Variants in GIGYF2 observed in about 807,000 individuals in gnomAD.
GIGYF2 encodes GRB10-interacting GYF protein 2.
Under a neutral mutation model 208.1 loss-of-function variants are expected in GIGYF2, and 25 were observed. The observed-to-expected ratio is 0.12, with a 90% CI of 0.09 to 0.17. GIGYF2 has a LOEUF of 0.17. Ranked by LOEUF, GIGYF2 falls within the 10% of genes least tolerant of loss-of-function variation. The pLI is 1.00. For missense variants in GIGYF2, 1,302 were observed against 1,579.4 expected, an observed-to-expected ratio of 0.82 and a Z score of 2.98; for synonymous variants, 534 against 543.8, an observed-to-expected ratio of 0.98 and a Z score of 0.25.
chr2:232,760,103 A>G (rs901591916), intron 6 of GIGYF2: 2 of 173,872 alleles, frequency 1.2e-5, no homozygotes, highest in African/African-American at 4.8e-5. Context: ...AACTCTCTAA[A>G]CCAAGATTTC....
At chr2:232,841,321 AG>A (rs992548566) in intron 23 of GIGYF2, among the ~76,000 whole-genome samples, 27 of 152,062 alleles carry the variant, frequency 1.8e-4, no homozygotes, top group African/African-American at 6.0e-4. Context: ...TTAGAGACTG[AG>A]GCTCGCTCTG....
intron 2 of GIGYF2, among the ~76,000 whole-genome samples, chr2:232,712,525 A>C (rs1309219152): frequency 6.6e-6 from 1 of 152,212 alleles, no homozygotes; most frequent in Non-Finnish European, 1.5e-5. Flanking sequence ...AGTTTGTTGC[A>C]ATTAACTTCA....
intron 8 of GIGYF2, among the ~76,000 whole-genome samples, chr2:232,774,008 A>G (rs918626577): frequency 6.6e-6 from 1 of 151,646 alleles, no homozygotes; most frequent in Non-Finnish European, 1.5e-5. Flanking sequence ...GGAACCAGGC[A>G]TGGTGACTCA....
chr2:232,753,814 A>G (rs116215001), intron 5 of GIGYF2, among the ~76,000 whole-genome samples: 2 of 152,250 alleles, frequency 1.3e-5, no homozygotes, highest in South Asian at 2.1e-4. Flanking sequence ...CCATGTCTCT[A>G]TATATTAGGT....
In GIGYF2 at chr2:232,833,184, T is replaced by C. The variant is rs1295883435; in HGVS notation, c.2766+91T>C. ...TGTACCAGTAGCAGTAAAACTGTTC[T>C]TTCTTTCTTTTTTTAATATTAAAAT... On this transcript the variant is annotated intron_variant, in intron 22 of 28. Transcript: ENST00000373563. 3 of 653,168 alleles carry C rather than the reference T, an allele frequency of 4.6e-6. No individual in the cohort carries two copies. The African/African-American group carries it at 5.6e-5, about 12-fold the overall frequency. 40.5% of individuals were successfully genotyped at this position (653,168 alleles called of 1,614,324 possible). A position where few individuals can be genotyped will look rare whatever the true frequency, so the allele number is the denominator to read the frequency against.
chr2:232,806,182 T>C lies in GIGYF2; in HGVS notation c.1640-309T>C, dbSNP rs935693320. Among the ~76,000 whole-genome samples the C allele has an allele frequency of 3.9e-5, 6 of 152,204 alleles. No individual in the cohort carries two copies. The highest frequency in any genetic ancestry group is 8.8e-5 in the Non-Finnish European group (6 of 68,032). On this transcript the variant is annotated intron_variant, in intron 14 of 28. Coordinates refer to ENST00000373563, the MANE Select transcript of GIGYF2 (RefSeq NM_001103146.3). This position sits in a 1 kb window ranked among gnomAD's most constrained non-coding sequence, Gnocchi z 4.0. Reference sequence around the variant, plus strand: ...CCTAAATGATACAAAGTCTAGTAAATAGTTAACTCTTCAATTGTATCATAC... The same window carrying C: ...CCTAAATGATACAAAGTCTAGTAAACAGTTAACTCTTCAATTGTATCATAC...
intron 8 of GIGYF2, among the ~76,000 whole-genome samples, chr2:232,779,553 A>T (rs1699641702): frequency 6.6e-6 from 1 of 152,186 alleles, no homozygotes; most frequent in Non-Finnish European, 1.5e-5. Flanking sequence ...TCTTTTGAAG[A>T]TGCCTAGTCT....
intron 26 of GIGYF2, among the ~76,000 whole-genome samples, chr2:232,846,123 TTAA>T (rs761461108): frequency 6.6e-6 from 1 of 152,214 alleles, no homozygotes; most frequent in Non-Finnish European, 1.5e-5. Context: ...TTAGACTGCC[TTAA>T]TGATACACAG....
chr2:232,791,002 C>A lies in GIGYF2; in HGVS notation c.931-6C>A. 1 of 1,614,000 alleles carries A rather than the reference C, an allele frequency of 6.2e-7. No individual in the cohort carries two copies. Among genetic ancestry groups the A allele is most frequent in the South Asian group, 1.1e-5 (1 of 91,074 alleles). ...GTTGATCTTTGGTTTTATTCTCTTT[C>A]TACAGAAAGTACAGAAAGAGCCTAT... On this transcript the variant is annotated splice_region_variant and splice_polypyrimidine_tract_variant and intron_variant, in intron 10 of 28. Transcript: ENST00000373563.
chr2:232,828,204 C>G (rs148339990), intron 21 of GIGYF2, among the ~76,000 whole-genome samples: 1 of 152,242 alleles, frequency 6.6e-6, no homozygotes, highest in Non-Finnish European at 1.5e-5. Context: ...CCAGTCTGGT[C>G]TTGAACTCCT....
chr2:232,729,594 G>T, intron 2 of GIGYF2: 3 of 1,351,174 alleles, frequency 2.2e-6, no homozygotes, highest in African/African-American at 1.4e-5. Flanking sequence ...TGCTTCTCCA[G>T]CTTATCTGTT....
intron 18 of GIGYF2, among the ~76,000 whole-genome samples, chr2:232,814,727 C>G (rs889948534): frequency 6.6e-6 from 1 of 152,076 alleles, no homozygotes; most frequent in Admixed American, 6.5e-5. Flanking sequence ...CTTCTGGTCC[C>G]AAGCATTTTG....
At chr2:232,794,620 C>T (rs1236914810) in intron 12 of GIGYF2, 128 bp from the exon 13 acceptor site, 3 of 761,040 alleles carry the variant, frequency 3.9e-6, no homozygotes, top group African/African-American at 3.4e-5. Flanking sequence ...GAAGTAGCTT[C>T]ACTGTTCATG....
chr2:232,801,934 G>A (rs961252290), intron 14 of GIGYF2, among the ~76,000 whole-genome samples: 1 of 152,128 alleles, frequency 6.6e-6, no homozygotes, highest in African/African-American at 2.4e-5. Flanking sequence ...ATTTATTTAG[G>A]TCTTTAATTT....
intron 2 of GIGYF2, among the ~76,000 whole-genome samples, chr2:232,707,663 A>G (rs1428540322): frequency 4.2e-5 from 6 of 141,232 alleles, no homozygotes; most frequent in Non-Finnish European, 9.1e-5. Context: ...TTTGAGACAG[A>G]GTTTCGCTCT....
At chr2:232,706,387 T>C (rs952296086) in intron 2 of GIGYF2, among the ~76,000 whole-genome samples, 2 of 152,226 alleles carry the variant, frequency 1.3e-5, no homozygotes, top group African/African-American at 4.8e-5. Context: ...CTTACATCCG[T>C]AATCCCAGCA....
intron 5 of GIGYF2, among the ~76,000 whole-genome samples, chr2:232,749,526 A>T (rs115437839): frequency 0.014 from 2,035 of 149,540 alleles, 46 homozygotes; most frequent in African/African-American, 0.045. Context: ...TGTGTGTGTG[A>T]GAGAGAGAGT....
chr2:232,800,398 A>G (rs1413674698), intron 14 of GIGYF2, among the ~76,000 whole-genome samples: 1 of 152,062 alleles, frequency 6.6e-6, no homozygotes. Context: ...TTTCCATCGA[A>G]TAGTCTTGGC....
intron 8 of GIGYF2, among the ~76,000 whole-genome samples, chr2:232,762,399 C>T (rs1049600412): frequency 2.0e-5 from 3 of 151,578 alleles, no homozygotes; most frequent in Non-Finnish European, 4.4e-5. Flanking sequence ...ACTACAGGTG[C>T]GTGCCACCAC....
Sources: gnomAD v4.1 joint callset for allele counts (sites outside exome capture counted in the v4.1 genomes callset) on GRCh38, gnomAD v4.1.1 for gene constraint, Gnocchi (gnomAD v3.1) non-coding constraint, MANE v1.5 for transcripts, NCBI Gene and HGNC (gene_info 2026-07-23, HGNC 2026-07-21) for gene names.